PARD3B: variants seen among roughly 807,000 people sequenced by gnomAD.
The protein encoded by PARD3B is par-3 family cell polarity regulator beta, also known as partitioning defective 3 homolog B.
PARD3B carries 103 observed loss-of-function variants against 130.2 expected under a neutral mutation model. That is an observed-to-expected ratio of 0.79 (90% confidence interval 0.67 to 0.93). The LOEUF is 0.93. Ranked by LOEUF, PARD3B falls within the 40% of genes least tolerant of loss-of-function variation. PARD3B has a pLI of 0.00. For synonymous variants in PARD3B, 583 were observed against 553.2 expected, an observed-to-expected ratio of 1.05 and a Z score of -0.76; for missense variants, 1,609 against 1,499.2, an observed-to-expected ratio of 1.07 and a Z score of -1.21.
intron 6 of PARD3B, among the ~76,000 whole-genome samples, chr2:205,117,227 T>A (rs1240033956): frequency 6.6e-6 from 1 of 152,226 alleles, no homozygotes; most frequent in Non-Finnish European, 1.5e-5. Context: ...TAGTTTCATT[T>A]TTAATACTGT....
At position 205,366,076 on chromosome 2, in the gene PARD3B, C is replaced by T. The variant is rs1436028977; in HGVS notation, c.2631-34937C>T. On this transcript the variant is annotated intron_variant, in intron 18 of 22. Transcript: ENST00000406610. This position sits in a 1 kb window ranked among gnomAD's most constrained non-coding sequence, Gnocchi z 5.0. ...CCCACCCATCTATCCCCCCACTCAT[C>T]CATCCATCCGTTTATCCATCCATTC... Among the ~76,000 whole-genome samples the T allele has an allele frequency of 6.6e-6, 1 of 150,726 alleles. No individual in the cohort carries two copies. The highest frequency in any genetic ancestry group is 2.0e-4 in the East Asian group (1 of 4,996).
At chr2:204,709,452 C>T (rs1232671811) in intron 2 of PARD3B, among the ~76,000 whole-genome samples, 1 of 152,164 alleles carries the variant, frequency 6.6e-6, no homozygotes, top group Non-Finnish European at 1.5e-5. Context: ...GCCTTAAGAA[C>T]TTTAGTATGA....
At chr2:204,944,339 C>T (rs549630017) in intron 2 of PARD3B, among the ~76,000 whole-genome samples, 9 of 152,298 alleles carry the variant, frequency 5.9e-5, no homozygotes, top group African/African-American at 2.2e-4. Flanking sequence ...TCTGGGGCCT[C>T]CTGTCAATGG....
At chr2:204,933,217 A>C (rs973361684) in intron 2 of PARD3B, among the ~76,000 whole-genome samples, 3 of 152,218 alleles carry the variant, frequency 2.0e-5, no homozygotes, top group Non-Finnish European at 4.4e-5. Flanking sequence ...ATTACTTTAC[A>C]AGCTTTAGAT....
chr2:205,140,178 T>C (rs2032832152), intron 10 of PARD3B, among the ~76,000 whole-genome samples: 1 of 152,236 alleles, frequency 6.6e-6, no homozygotes, highest in Non-Finnish European at 1.5e-5. Flanking sequence ...GGCCCCTCGC[T>C]GTGTTAAACA....
intron 3 of PARD3B, among the ~76,000 whole-genome samples, chr2:205,031,538 C>T (rs974206370): frequency 3.3e-5 from 5 of 152,116 alleles, no homozygotes; most frequent in Non-Finnish European, 5.9e-5. Context: ...TTATCAGCAC[C>T]TTCAATTTAA....
intron 2 of PARD3B, among the ~76,000 whole-genome samples, chr2:204,916,957 A>G (rs570505327): frequency 6.6e-6 from 1 of 152,342 alleles, no homozygotes; most frequent in African/African-American, 2.4e-5. Context: ...TGAAATGGAT[A>G]AAAATCCCTG....
At chr2:204,787,877 C>T (rs535669036) in intron 2 of PARD3B, among the ~76,000 whole-genome samples, 2 of 152,288 alleles carry the variant, frequency 1.3e-5, no homozygotes, top group South Asian at 4.1e-4. Flanking sequence ...TTCCAGTTTT[C>T]TGTCATGGCA....
intron 2 of PARD3B, among the ~76,000 whole-genome samples, chr2:204,843,491 G>A (rs2044331992): frequency 6.6e-6 from 1 of 152,044 alleles, no homozygotes; most frequent in South Asian, 2.1e-4. Context: ...TGGGGTTCAA[G>A]TGACTCTCCT....
chr2:204,790,285 T>C (rs2042156145), intron 2 of PARD3B, among the ~76,000 whole-genome samples: 1 of 152,180 alleles, frequency 6.6e-6, no homozygotes, highest in Non-Finnish European at 1.5e-5. Context: ...ATAGTCAGGG[T>C]CCTGTTTGAA....
rs1385559424 is a variant in PARD3B, at chr2:205,564,349, A to G, written c.3260+10946A>G. Reference sequence around the variant, plus strand: ...GATAAACCCCTTATAGGCTTTCAGAATGACTAAGAACAGCAACCACTGAAT... The same window carrying G: ...GATAAACCCCTTATAGGCTTTCAGAGTGACTAAGAACAGCAACCACTGAAT... On this transcript the variant is annotated intron_variant, in intron 22 of 22. Transcript: ENST00000406610. The surrounding 1 kb of genome is among the most constrained non-coding windows in gnomAD (Gnocchi z 4.6). 2.6e-5 allele frequency among the ~76,000 whole-genome samples: 4 copies of G among 152,192 alleles called. No homozygotes were observed. The South Asian group carries it at 6.2e-4, about 24-fold the overall frequency.
chr2:204,643,605 T>G (rs1348186632), intron 1 of PARD3B, among the ~76,000 whole-genome samples: 1 of 152,016 alleles, frequency 6.6e-6, no homozygotes, highest in South Asian at 2.1e-4. Flanking sequence ...TATGAGATTT[T>G]TTTGTGATTT....
intron 18 of PARD3B, among the ~76,000 whole-genome samples, chr2:205,392,398 G>A (rs570110978): frequency 2.2e-4 from 34 of 152,224 alleles, no homozygotes; most frequent in Middle Eastern, 6.8e-3. Context: ...GCTACATCTT[G>A]GCTGGATAAA....
At chr2:204,896,746 AG>A (rs2046655482) in intron 2 of PARD3B, among the ~76,000 whole-genome samples, 1 of 152,212 alleles carries the variant, frequency 6.6e-6, no homozygotes, top group South Asian at 2.1e-4. Flanking sequence ...ATATCTATTT[AG>A]CTAGGTCCAG....
chr2:205,574,787 G>T (rs962006005), intron 22 of PARD3B, among the ~76,000 whole-genome samples: 1 of 150,164 alleles, frequency 6.7e-6, no homozygotes, highest in Admixed American at 6.7e-5. Flanking sequence ...TGTTGACAAG[G>T]AGATGGGGAA....
rs2054389596 is a variant in PARD3B at position 205,591,629 on chromosome 2, C to T, written c.3261-23827C>T. Among the ~76,000 whole-genome samples, 1 of 152,192 alleles carries T rather than the reference C, an allele frequency of 6.6e-6. No homozygotes were observed. Among genetic ancestry groups the T allele is most frequent in the African/African-American group, 2.4e-5 (1 of 41,438 alleles). ...AACCCAGAACTGTTGTTCCTAACCTCCCTGATGTCTCATATTTTGATGCTC... is the reference window on the plus strand; with the variant it reads ...AACCCAGAACTGTTGTTCCTAACCTTCCTGATGTCTCATATTTTGATGCTC... On this transcript the variant is annotated intron_variant, in intron 22 of 22. Coordinates refer to ENST00000406610, the MANE Select transcript of PARD3B (RefSeq NM_001302769.2). This position sits in a 1 kb window ranked among gnomAD's most constrained non-coding sequence, Gnocchi z 4.2.
intron 2 of PARD3B, among the ~76,000 whole-genome samples, chr2:204,814,077 TTTTCTAAC>T (rs2043058686): frequency 6.6e-6 from 1 of 152,014 alleles, no homozygotes; most frequent in Non-Finnish European, 1.5e-5. Context: ...TAATGTTGAG[TTTTCTAAC>T]TTATGAAGAA....
intron 3 of PARD3B, among the ~76,000 whole-genome samples, chr2:205,008,095 G>T (rs751029353): frequency 2.6e-5 from 4 of 151,992 alleles, no homozygotes; most frequent in Non-Finnish European, 5.9e-5. Context: ...AAGAAAGAGT[G>T]GTGCCTCTTT....
chr2:205,069,174 C>T (rs1700567565), intron 4 of PARD3B, among the ~76,000 whole-genome samples: 1 of 151,818 alleles, frequency 6.6e-6, no homozygotes, highest in Non-Finnish European at 1.5e-5. Flanking sequence ...TGTGCTGAGG[C>T]TGTTTTTAGT....
Sources: allele counts gnomAD v4.1 joint callset (sites outside exome capture counted in the v4.1 genomes callset), GRCh38; gene constraint gnomAD v4.1.1; non-coding constraint Gnocchi (gnomAD v3.1); transcripts MANE v1.5; gene names NCBI Gene and HGNC (gene_info 2026-07-23, HGNC 2026-07-21).